The following PCSK2 variants were observed in gnomAD, a reference collection of about 807,000 sequenced individuals.
PCSK2 encodes the protein neuroendocrine convertase 2.
In PCSK2, 14 loss-of-function variants were observed where a neutral mutation model predicts 69.7. That is an observed-to-expected ratio of 0.20 (90% confidence interval 0.13 to 0.31). The LOEUF (loss-of-function observed/expected upper bound fraction) is 0.31. Among genes scored for constraint, PCSK2 ranks in the 10% least tolerant of loss-of-function variants. The pLI, the probability that PCSK2 is intolerant of heterozygous loss-of-function variation, is 1.00. For missense variants in PCSK2, 544 were observed against 842.5 expected, an observed-to-expected ratio of 0.65 and a Z score of 4.39; for synonymous variants, 307 against 320.7, an observed-to-expected ratio of 0.96 and a Z score of 0.46.
intron 2 of PCSK2, among the ~76,000 whole-genome samples, chr20:17,335,405 C>G (rs1316424832): frequency 6.9e-6 from 1 of 145,108 alleles, no homozygotes; most frequent in Non-Finnish European, 1.5e-5. Context: ...TCTTGTAAGT[C>G]AGACAGCATC....
Position 17,260,458 on chromosome 20 carries a change from G to A in PCSK2, c.282+114G>A, listed in dbSNP as rs924648235. 9 of 705,222 alleles carry A rather than the reference G, an allele frequency of 1.3e-5. No individual in the cohort carries two copies. The Admixed American group carries it at 1.5e-4, about 12-fold the overall frequency. The allele number at this position is 705,222 out of a possible 1,614,324, so 43.7% of individuals were successfully genotyped here. A position where few individuals can be genotyped will look rare whatever the true frequency, so the allele number is the denominator to read the frequency against. Reference sequence around the variant, plus strand: ...GAAGTAAAGGCACTTAATGTACTATGATAGGGCAAATGAATGCTTTGCAGA... The same window carrying A: ...GAAGTAAAGGCACTTAATGTACTATAATAGGGCAAATGAATGCTTTGCAGA... On this transcript the variant is annotated intron_variant, in intron 2 of 11. Transcript: ENST00000262545.
At chr20:17,250,205 C>T (rs1448076427) in intron 1 of PCSK2, among the ~76,000 whole-genome samples, 2 of 152,072 alleles carry the variant, frequency 1.3e-5, no homozygotes, top group Non-Finnish European at 2.9e-5. Flanking sequence ...TTTTCTGATC[C>T]ACGATTCAAT....
chr20:17,358,080 C>T (rs2123209230), intron 2 of PCSK2, among the ~76,000 whole-genome samples: 1 of 151,920 alleles, frequency 6.6e-6, no homozygotes, highest in East Asian at 1.9e-4. Context: ...CTGAGGCAGG[C>T]AGATCACTTG....
intron 8 of PCSK2, among the ~76,000 whole-genome samples, chr20:17,451,986 T>G (rs2032833614): frequency 6.9e-6 from 1 of 144,170 alleles, no homozygotes; most frequent in Non-Finnish European, 1.5e-5. Flanking sequence ...TGGCACAATC[T>G]CGGCTCACTG....
At chr20:17,390,448 G>T (rs1179348971) in intron 5 of PCSK2, among the ~76,000 whole-genome samples, 4 of 152,172 alleles carry the variant, frequency 2.6e-5, no homozygotes, top group Non-Finnish European at 5.9e-5. Flanking sequence ...ATAAGCAAAA[G>T]AGCCAGTTTA....
At chr20:17,455,227 C>A (rs2032897755) in intron 9 of PCSK2, among the ~76,000 whole-genome samples, 1 of 152,048 alleles carries the variant, frequency 6.6e-6, no homozygotes, top group Admixed American at 6.6e-5. Flanking sequence ...CCTGTGAGTA[C>A]TATAATTTTG....
chr20:17,249,618 GA>G (rs1986899121), intron 1 of PCSK2, among the ~76,000 whole-genome samples: 1 of 151,998 alleles, frequency 6.6e-6, no homozygotes, highest in South Asian at 2.1e-4. Flanking sequence ...ATCAACGGAT[GA>G]ATGGATAAAC....
intron 1 of PCSK2, among the ~76,000 whole-genome samples, chr20:17,259,824 G>C (rs148314275): frequency 1.1e-4 from 16 of 152,242 alleles, no homozygotes; most frequent in African/African-American, 3.6e-4. Flanking sequence ...CAGCTATGAA[G>C]ACATGACTAC....
chr20:17,305,218 A>G (rs1989290162), intron 2 of PCSK2, among the ~76,000 whole-genome samples: 2 of 152,262 alleles, frequency 1.3e-5, no homozygotes, highest in Non-Finnish European at 2.9e-5. Flanking sequence ...TCGTATAAAT[A>G]ATATTAAACA....
At chr20:17,300,771 T>G (rs1989054948) in intron 2 of PCSK2, among the ~76,000 whole-genome samples, 1 of 152,230 alleles carries the variant, frequency 6.6e-6, no homozygotes, top group Non-Finnish European at 1.5e-5. Flanking sequence ...ACACTGAATT[T>G]TTCCTAATGT....
At chr20:17,456,557 A>C (rs2032926732) in intron 10 of PCSK2, 109 bp downstream of exon 10, 21 of 683,590 alleles carry the variant, frequency 3.1e-5, no homozygotes, top group Non-Finnish European at 2.6e-6. Flanking sequence ...GTGAGAGGCC[A>C]TGAATAGTCA....
intron 1 of PCSK2, among the ~76,000 whole-genome samples, chr20:17,245,524 T>C (rs1325459635): frequency 6.6e-6 from 1 of 152,220 alleles, no homozygotes; most frequent in Non-Finnish European, 1.5e-5. Flanking sequence ...AAGCTGATGT[T>C]TGGGAGTAGT....
chr20:17,372,475 C>T (rs1568622942), intron 5 of PCSK2, among the ~76,000 whole-genome samples: 1 of 151,592 alleles, frequency 6.6e-6, no homozygotes, highest in Non-Finnish European at 1.5e-5. Flanking sequence ...ATTCTTCATA[C>T]CTGAAAATAT....
intron 2 of PCSK2, among the ~76,000 whole-genome samples, chr20:17,307,018 G>A (rs1417244678): frequency 1.3e-5 from 2 of 152,160 alleles, no homozygotes; most frequent in Non-Finnish European, 2.9e-5. Flanking sequence ...ATATGTTAAT[G>A]TCTTATCAGC....
chr20:17,286,803 G>A (rs1386146060), intron 2 of PCSK2, among the ~76,000 whole-genome samples: 3 of 152,226 alleles, frequency 2.0e-5, no homozygotes, highest in African/African-American at 7.2e-5. Flanking sequence ...TCCCAGTGAA[G>A]GGGGTTGTGC....
At position 17,335,880 on chromosome 20, in the gene PCSK2, G is replaced by GTGTGTGTA. The variant is rs1555789154; in HGVS notation, c.283-22440_283-22439insATGTGTGT. 3.8e-3 allele frequency among the ~76,000 whole-genome samples: 570 copies of GTGTGTGTA among 151,752 alleles called. 6 individuals are homozygous for GTGTGTGTA. The highest frequency in any genetic ancestry group is 0.013 in the African/African-American group (536 of 41,332). ...ATGGTGTGTGTGTGTGTGTGTGTGTGTGTGTGTGTGTGTATCATATTTTCT... is the reference window on the plus strand; with the variant it reads ...ATGGTGTGTGTGTGTGTGTGTGTGTGTGTGTGTATGTGTGTGTGTGTATCATATTTTCT... On this transcript the variant is annotated intron_variant, in intron 2 of 11. Coordinates refer to ENST00000262545, the MANE Select transcript of PCSK2 (RefSeq NM_002594.5).
intron 5 of PCSK2, among the ~76,000 whole-genome samples, chr20:17,401,337 G>A (rs141715354): frequency 2.0e-5 from 3 of 152,274 alleles, no homozygotes; most frequent in Non-Finnish European, 4.4e-5. Context: ...GTGGTGTCTG[G>A]TGAAGGCCTG....
intron 11 of PCSK2, among the ~76,000 whole-genome samples, chr20:17,473,700 T>C (rs2033243418): frequency 6.6e-6 from 1 of 152,054 alleles, no homozygotes; most frequent in South Asian, 2.1e-4. Flanking sequence ...ATCTGGAAAA[T>C]ACTGTTCCTA....
intron 11 of PCSK2, among the ~76,000 whole-genome samples, chr20:17,474,533 G>C (rs978847777): frequency 3.9e-5 from 6 of 152,150 alleles, no homozygotes; most frequent in African/African-American, 1.4e-4. Context: ...CTTTAGCCTG[G>C]GCAATCGGTG....
Sources: gnomAD v4.1 joint callset for allele counts (sites outside exome capture counted in the v4.1 genomes callset) on GRCh38, gnomAD v4.1.1 for gene constraint, MANE v1.5 for transcripts, NCBI Gene and HGNC (gene_info 2026-07-23, HGNC 2026-07-21) for gene names.